Variants in CRYZL1 observed in about 807,000 individuals in gnomAD.
CRYZL1 encodes ferry endosomal RAB5 effector complex subunit 4.
A neutral mutation model predicts 50.6 loss-of-function variants in CRYZL1; 34 were observed. That is an observed-to-expected ratio of 0.67 (90% CI 0.51 to 0.89). CRYZL1 has a LOEUF of 0.89. CRYZL1 is among the 40% of genes least tolerant of loss of function. The pLI, the probability that CRYZL1 is intolerant of heterozygous loss-of-function variation, is 0.00. For missense variants in CRYZL1, 354 were observed against 402.3 expected, an observed-to-expected ratio of 0.88 and a Z score of 1.03; for synonymous variants, 125 against 134.3, an observed-to-expected ratio of 0.93 and a Z score of 0.48.
chr21:33,604,048 C>G (rs2086784175), intron 6 of CRYZL1, among the ~76,000 whole-genome samples: 1 of 151,636 alleles, frequency 6.6e-6, no homozygotes, highest in Non-Finnish European at 1.5e-5. Context: ...GTCAGGAGAT[C>G]GAGACCATCC....
In CRYZL1 at chr21:33,589,877, GAAAC is replaced by G; in HGVS notation, c.991_994del (p.Val331ProfsTer29). The G allele has an allele frequency of 6.2e-7, 1 of 1,612,558 alleles. No homozygotes were observed. The highest frequency in any genetic ancestry group is 8.5e-7 in the Non-Finnish European group (1 of 1,179,426). On this transcript the variant is annotated frameshift_variant, in exon 13 of 13. Coordinates refer to ENST00000381554, the MANE Select transcript of CRYZL1 (RefSeq NM_145858.3). LOFTEE classifies it high-confidence loss of function. ...TTGATTTTTCTGAACAGCTTCCATGGAAACTTTTGCCTCATACAGTGGAATGGGT... is the reference window on the plus strand; with the variant it reads ...TTGATTTTTCTGAACAGCTTCCATGGTTTTGCCTCATACAGTGGAATGGGT...
chr21:33,604,187 C>T (rs1317300568), intron 6 of CRYZL1, among the ~76,000 whole-genome samples: 1 of 151,634 alleles, frequency 6.6e-6, no homozygotes, highest in African/African-American at 2.4e-5. Context: ...AACCCCGTCT[C>T]TACTGAAAAT....
chr21:33,595,570 C>A, intron 11 of CRYZL1, 161 bp downstream of exon 11: 2 of 1,326,894 alleles, frequency 1.5e-6, no homozygotes. Flanking sequence ...TCTCAAAAGG[C>A]TGTTTTAATG....
chr21:33,594,299 G>A (rs1476591011), intron 11 of CRYZL1, among the ~76,000 whole-genome samples: 5 of 150,582 alleles, frequency 3.3e-5, no homozygotes, highest in African/African-American at 1.2e-4. Flanking sequence ...GACTACAGGC[G>A]TGTGCCACCA....
At chr21:33,603,293 A>G (rs1450426261) in intron 7 of CRYZL1, 111 bp downstream of exon 7, 2 of 1,329,024 alleles carry the variant, frequency 1.5e-6, no homozygotes, top group Non-Finnish European at 2.1e-6. Flanking sequence ...AAAAAAAGTC[A>G]ATCAATAAGC....
intron 6 of CRYZL1, among the ~76,000 whole-genome samples, chr21:33,608,278 A>C (rs967739476): frequency 6.6e-6 from 1 of 152,154 alleles, no homozygotes; most frequent in African/African-American, 2.4e-5. Context: ...AGCATGGAGA[A>C]ACCCCGTCTC....
At chr21:33,621,462 C>T (rs2087000421) in intron 4 of CRYZL1, among the ~76,000 whole-genome samples, 1 of 151,906 alleles carries the variant, frequency 6.6e-6, no homozygotes, top group Non-Finnish European at 1.5e-5. Context: ...CTGCCTCAGC[C>T]TCCCGAGTAG....
At chr21:33,627,748 T>G (rs1031053557) in intron 2 of CRYZL1, among the ~76,000 whole-genome samples, 1 of 143,632 alleles carries the variant, frequency 7.0e-6, no homozygotes, top group African/African-American at 2.6e-5. Flanking sequence ...GGTTTTTTTT[T>G]TTTTTTTTTT....
chr21:33,640,322 A>G, intron 1 of CRYZL1: 1 of 1,336,414 alleles, frequency 7.5e-7, no homozygotes, highest in East Asian at 2.7e-5. Flanking sequence ...AGAGGCATCG[A>G]TAAGGGAAAT....
chr21:33,629,228 AAAC>A (rs574242137), intron 2 of CRYZL1, among the ~76,000 whole-genome samples: 15 of 152,032 alleles, frequency 9.9e-5, no homozygotes, highest in South Asian at 2.1e-4. Flanking sequence ...CTGTCTCAAA[AAAC>A]AACAACAACA....
chr21:33,620,583 G>A (rs1177776858), intron 4 of CRYZL1, among the ~76,000 whole-genome samples: 3 of 151,808 alleles, frequency 2.0e-5, no homozygotes, highest in Non-Finnish European at 4.4e-5. Flanking sequence ...GGCCGATGTG[G>A]GCAGATCACT....
chr21:33,622,917 CAT>C (rs1214197620), intron 3 of CRYZL1, among the ~76,000 whole-genome samples: 1 of 150,988 alleles, frequency 6.6e-6, no homozygotes, highest in Non-Finnish European at 1.5e-5. Flanking sequence ...TTAAGATGTT[CAT>C]ATGACATTCT....
chr21:33,624,819 C>T lies in CRYZL1; in HGVS notation c.67-59G>A. On this transcript the variant is annotated intron_variant, in intron 2 of 12. Coordinates refer to ENST00000381554, the MANE Select transcript of CRYZL1 (RefSeq NM_145858.3). ...TTTACACATTCCTATGAGAATATGTCTTTATGCTGTGAAAATTTTTACATG... is the reference window on the plus strand; with the variant it reads ...TTTACACATTCCTATGAGAATATGTTTTTATGCTGTGAAAATTTTTACATG... 68 of 1,530,692 alleles carry T rather than the reference C, an allele frequency of 4.4e-5. 2 individuals carry two copies. The South Asian group carries it at 8.7e-4, about 20-fold the overall frequency. 94.8% of individuals were successfully genotyped at this position (1,530,692 alleles called of 1,614,324 possible).
rs1601330693 is a variant in CRYZL1, at chr21:33,603,521, C to T, written c.348G>A (p.Lys116=). The T allele has an allele frequency of 1.9e-6, 3 of 1,613,974 alleles. No homozygotes were observed. The highest frequency in any genetic ancestry group is 1.7e-6 in the Non-Finnish European group (2 of 1,180,050). ...HEHYLVHKPE[K]VTWTEAAGSI... The stretch of plus-strand genomic sequence containing the variant: ...TTCCTGCTGCTTCCGTCCATGTGAC[C>T]TTTTCTGGTTTATGAACTATCATAA... The change falls in exon 7 of 13, where the codon AAG becomes AAA. Residue 116 remains lysine (K), a synonymous_variant. Transcript: ENST00000381554.
At position 33,631,552 on chromosome 21, in the gene CRYZL1, A is replaced by G. The variant is rs140180377; in HGVS notation, c.-1T>C. ...TCTGTTGGAAATATAAGCCTTTCATAGTCACCTAAAAATAAATATATATAA... is the reference window on the plus strand; with the variant it reads ...TCTGTTGGAAATATAAGCCTTTCATGGTCACCTAAAAATAAATATATATAA... On this transcript the variant is annotated 5_prime_UTR_variant, in exon 2 of 13. Coordinates refer to ENST00000381554, the MANE Select transcript of CRYZL1 (RefSeq NM_145858.3). The G allele has an allele frequency of 2.0e-6, 3 of 1,486,606 alleles. No homozygotes were observed. Among genetic ancestry groups the G allele is most frequent in the Non-Finnish European group, 1.8e-6 (2 of 1,119,948 alleles). 92.1% of individuals were successfully genotyped at this position (1,486,606 alleles called of 1,614,324 possible).
chr21:33,610,051 A>G (rs2086855170), intron 6 of CRYZL1, among the ~76,000 whole-genome samples: 1 of 150,824 alleles, frequency 6.6e-6, no homozygotes, highest in South Asian at 2.1e-4. Flanking sequence ...GAGACAAGCA[A>G]GTTGCCAAGG....
chr21:33,640,008 T>C (rs2087259436), intron 1 of CRYZL1: 1 of 624,214 alleles, frequency 1.6e-6, no homozygotes, highest in African/African-American at 1.9e-5. Flanking sequence ...GTATTTTTAG[T>C]AGACACGGGG....
chr21:33,598,509 T>G (rs1244037506), intron 9 of CRYZL1, among the ~76,000 whole-genome samples: 2 of 152,162 alleles, frequency 1.3e-5, no homozygotes, highest in African/African-American at 4.8e-5. Flanking sequence ...CTAAAAACAT[T>G]CAAGAAAAGT....
chr21:33,638,464 C>T (rs941054354), intron 1 of CRYZL1, among the ~76,000 whole-genome samples: 27 of 152,192 alleles, frequency 1.8e-4, no homozygotes, highest in Non-Finnish European at 3.2e-4. Context: ...CCACCCACCT[C>T]GGCTTCCCAA....
Sources: gnomAD v4.1 joint callset for allele counts (sites outside exome capture counted in the v4.1 genomes callset) on GRCh38, gnomAD v4.1.1 for gene constraint, MANE v1.5 for transcripts, NCBI Gene and HGNC (gene_info 2026-07-23, HGNC 2026-07-21) for gene names.